WHRN: variants seen among roughly 807,000 people sequenced by gnomAD.
WHRN encodes CASK-interacting protein CIP98.
Under a neutral mutation model 68.3 loss-of-function variants are expected in WHRN, and 41 were observed. That is an observed-to-expected ratio of 0.60 (90% CI 0.47 to 0.78). The LOEUF is 0.78. Among genes scored for constraint, WHRN ranks in the 30% least tolerant of loss-of-function variants. The pLI, the probability that WHRN is intolerant of heterozygous loss-of-function variation, is 0.00. For missense variants in WHRN, 1,243 were observed against 1,244.7 expected (o/e 1.00, Z 0.02); for synonymous variants, 560 against 561.3 (o/e 1.00, Z 0.03).
At chr9:114,474,908 C>T (rs1192885050) in intron 2 of WHRN, among the ~76,000 whole-genome samples, 1 of 152,146 alleles carries the variant, frequency 6.6e-6, no homozygotes, top group Non-Finnish European at 1.5e-5. Flanking sequence ...GTTGCTAAGG[C>T]ATCACATAAA....
intron 3 of WHRN, among the ~76,000 whole-genome samples, chr9:114,447,929 A>G (rs147811466): frequency 2.0e-5 from 3 of 152,276 alleles, no homozygotes; most frequent in African/African-American, 7.2e-5. Flanking sequence ...GAGAAACGCA[A>G]ACTCTCAGGC....
At chr9:114,485,536 C>CA (rs1842410270) in intron 1 of WHRN, among the ~76,000 whole-genome samples, 1 of 151,376 alleles carries the variant, frequency 6.6e-6, no homozygotes, top group Admixed American at 6.6e-5. Flanking sequence ...ACTAAAAATA[C>CA]AAAAAATTAG....
chr9:114,474,861 G>A (rs1432858802), intron 2 of WHRN, among the ~76,000 whole-genome samples: 2 of 152,102 alleles, frequency 1.3e-5, no homozygotes, highest in East Asian at 1.9e-4. Context: ...CCTGGACACC[G>A]CCACGTCCCT....
intron 2 of WHRN, among the ~76,000 whole-genome samples, chr9:114,476,491 G>A (rs1453197303): frequency 6.6e-6 from 1 of 151,974 alleles, no homozygotes; most frequent in Non-Finnish European, 1.5e-5. Context: ...AGTCCTCCCT[G>A]ATCACCTCAA....
chr9:114,478,106 G>GAA (rs540358001), intron 2 of WHRN, among the ~76,000 whole-genome samples: 4 of 145,110 alleles, frequency 2.8e-5, no homozygotes, highest in Admixed American at 2.8e-4. Context: ...ACATGACGGA[G>GAA]AAAAAAAAAA....
At chr9:114,439,714 T>C (rs1179067624) in intron 3 of WHRN, among the ~76,000 whole-genome samples, 1 of 152,240 alleles carries the variant, frequency 6.6e-6, no homozygotes, top group Non-Finnish European at 1.5e-5. Flanking sequence ...AATATGGGTT[T>C]AAACTGTGTA....
Position 114,478,740 on chromosome 9 carries a change from G to A in WHRN, c.650C>T (p.Ser217Phe). Residue 217 changes from serine to phenylalanine, a missense_variant, in exon 2 of 12, where the codon TCT (serine) becomes TTT (phenylalanine). Transcript: ENST00000362057. ...AGGGATGCGCCCTGCTGAGTACACAGACAGCACCAGCTTCTTGGAGCCCTT... is the reference window on the plus strand; with the variant it reads ...AGGGATGCGCCCTGCTGAGTACACAAACAGCACCAGCTTCTTGGAGCCCTT... Reference protein sequence around the residue: ...ALKGSKKLVLSVYSAGRIPGG... With the variant: ...ALKGSKKLVLFVYSAGRIPGG... 1.2e-6 allele frequency: 2 copies of A among 1,612,584 alleles called. No individual in the cohort carries two copies. Among genetic ancestry groups the A allele is most frequent in the Non-Finnish European group, 8.5e-7 (1 of 1,179,974 alleles).
intron 1 of WHRN, among the ~76,000 whole-genome samples, chr9:114,483,392 TC>T (rs1842240957): frequency 6.6e-6 from 1 of 152,202 alleles, no homozygotes; most frequent in South Asian, 2.1e-4. Flanking sequence ...CCTTCTTGTC[TC>T]CATTTCTACA....
chr9:114,451,811 T>G (rs1839363035), intron 3 of WHRN, among the ~76,000 whole-genome samples: 2 of 152,246 alleles, frequency 1.3e-5, no homozygotes, highest in Non-Finnish European at 1.5e-5. Context: ...TAGACCCACC[T>G]GGGTTTGAAT....
At chr9:114,432,200 T>C (rs766814332) in intron 3 of WHRN, among the ~76,000 whole-genome samples, 1 of 152,198 alleles carries the variant, frequency 6.6e-6, no homozygotes, top group Non-Finnish European at 1.5e-5. Context: ...GACTGGCTCA[T>C]GTTCAGACAC....
chr9:114,404,022 A>T lies in WHRN; in HGVS notation c.2292T>A (p.Ser764Arg). The T allele has an allele frequency of 6.2e-7, 1 of 1,613,230 alleles. No individual in the cohort carries two copies. The highest frequency in any genetic ancestry group is 8.5e-7 in the Non-Finnish European group (1 of 1,179,970). ...SDSGQTLSED[S>R]GVDAGEAEAS... Reference sequence around the variant, plus strand: ...CCTCTGCCTCGCCAGCATCCACACCACTGTCCTCGCTTAGAGTCTGCCCGC... The same window carrying T: ...CCTCTGCCTCGCCAGCATCCACACCTCTGTCCTCGCTTAGAGTCTGCCCGC... Residue 764 changes from serine to arginine, a missense_variant, in exon 10 of 12, where the codon AGT (serine) becomes AGA (arginine). Physicochemically the swap from Ser to Arg is moderately radical, Grantham distance 110. Coordinates refer to ENST00000362057, the MANE Select transcript of WHRN (RefSeq NM_015404.4).
chr9:114,446,846 C>T (rs1300108074), intron 3 of WHRN, among the ~76,000 whole-genome samples: 2 of 152,084 alleles, frequency 1.3e-5, no homozygotes, highest in Non-Finnish European at 2.9e-5. Context: ...TGCGTCTAGC[C>T]AGCCAGGAGC....
intron 1 of WHRN, among the ~76,000 whole-genome samples, chr9:114,480,044 C>T (rs1177328116): frequency 2.0e-5 from 3 of 152,040 alleles, no homozygotes; most frequent in Non-Finnish European, 2.9e-5. Flanking sequence ...GCCTGGGCAA[C>T]AGAATGAGAC....
At position 114,504,738 on chromosome 9, in the gene WHRN, C is replaced by T; in HGVS notation, c.64G>A (p.Ala22Thr). The change falls in exon 1 of 12, where the codon GCC (alanine) becomes ACC (threonine). Residue 22 changes from alanine (A) to threonine (T), a missense_variant. By Grantham distance (58) the Ala-to-Thr change is moderately conservative. Transcript: ENST00000362057. Reference protein sequence around the residue: ...SSSTGSLGSAAGAGGGGGAGL... With the variant: ...SSSTGSLGSATGAGGGGGAGL... ...GCGCCCCCGCCGCCGCCCGCCCCGG[C>T]CGCCGAGCCCAGCGAGCCGGTGGAG... The T allele has an allele frequency of 6.6e-7, 1 of 1,508,872 alleles. No individual in the cohort carries two copies. Among genetic ancestry groups the T allele is most frequent in the Non-Finnish European group, 8.8e-7 (1 of 1,138,356 alleles). 93.5% of individuals were successfully genotyped at this position (1,508,872 alleles called of 1,614,324 possible).
chr9:114,499,905 G>A (rs530896716), intron 1 of WHRN, among the ~76,000 whole-genome samples: 2 of 152,280 alleles, frequency 1.3e-5, no homozygotes, highest in South Asian at 2.1e-4. Flanking sequence ...AGACACTAGC[G>A]CTGGTGTGGT....
At position 114,473,182 on chromosome 9, in the gene WHRN, C is replaced by G. The variant is rs535367913; in HGVS notation, c.837+5371G>C. Among the ~76,000 whole-genome samples, 4 of 152,324 alleles carry G rather than the reference C, an allele frequency of 2.6e-5. No homozygotes were observed. The South Asian group carries it at 8.3e-4, about 32-fold the overall frequency. Reference sequence around the variant, plus strand: ...ACAGGGACACTGTAGTGGAATAAGACTTAGGAAGTTCTCAATAAAGCTCAT... The same window carrying G: ...ACAGGGACACTGTAGTGGAATAAGAGTTAGGAAGTTCTCAATAAAGCTCAT... On this transcript the variant is annotated intron_variant, in intron 2 of 11. Coordinates refer to ENST00000362057, the MANE Select transcript of WHRN (RefSeq NM_015404.4).
intron 7 of WHRN, among the ~76,000 whole-genome samples, chr9:114,413,014 T>G (rs770889752): frequency 6.6e-6 from 1 of 152,222 alleles, no homozygotes; most frequent in Non-Finnish European, 1.5e-5. Context: ...CTTCTGTACT[T>G]CTGTCAAGCC....
At chr9:114,496,169 T>C (rs1843440370) in intron 1 of WHRN, among the ~76,000 whole-genome samples, 1 of 152,070 alleles carries the variant, frequency 6.6e-6, no homozygotes, top group South Asian at 2.1e-4. Flanking sequence ...GGGGAGGCCA[T>C]CAGGGAAGGT....
At chr9:114,462,335 T>G (rs11788304) in intron 3 of WHRN, among the ~76,000 whole-genome samples, 1 of 152,106 alleles carries the variant, frequency 6.6e-6, no homozygotes, top group African/African-American at 2.4e-5. Flanking sequence ...TTTTGCTCTA[T>G]GTAAAGAGAA....
Sources: allele counts gnomAD v4.1 joint callset (sites outside exome capture counted in the v4.1 genomes callset), GRCh38; gene constraint gnomAD v4.1.1; transcripts MANE v1.5; gene names NCBI Gene and HGNC (gene_info 2026-07-23, HGNC 2026-07-21).